The following USP48 variants were observed in gnomAD, a reference collection of about 807,000 sequenced individuals.
USP48 encodes ubiquitin carboxyl-terminal hydrolase 48.
In USP48, 43 loss-of-function variants were observed where a neutral mutation model predicts 150.7. The observed-to-expected ratio is 0.29, with a 90% CI of 0.22 to 0.37. USP48 has a LOEUF of 0.37. USP48 is among the 10% of genes least tolerant of loss of function. USP48 has a pLI of 1.00. For synonymous variants in USP48, 396 were observed against 425.9 expected, an observed-to-expected ratio of 0.93 and a Z score of 0.86; for missense variants, 813 against 1,249.6, an observed-to-expected ratio of 0.65 and a Z score of 5.27.
At chr1:21,704,202 C>T in intron 20 of USP48, 60 bp downstream of exon 20, 8 of 1,569,806 alleles carry the variant, frequency 5.1e-6, no homozygotes, top group Middle Eastern at 3.4e-4. Context: ...ACTGACACAC[C>T]CTTTCTTCTT....
At chr1:21,777,245 G>A (rs1347314326) in intron 1 of USP48, among the ~76,000 whole-genome samples, 1 of 152,080 alleles carries the variant, frequency 6.6e-6, no homozygotes, top group Non-Finnish European at 1.5e-5. Flanking sequence ...AGCCAAGATT[G>A]CACCACTGTA....
chr1:21,700,172 C>T (rs2097651220), intron 22 of USP48, among the ~76,000 whole-genome samples: 1 of 151,784 alleles, frequency 6.6e-6, no homozygotes, highest in African/African-American at 2.4e-5. Context: ...AAACTGAAAA[C>T]CTGCATTCTC....
intron 1 of USP48, among the ~76,000 whole-genome samples, chr1:21,776,829 G>A (rs1572064458): frequency 6.6e-6 from 1 of 151,840 alleles, no homozygotes; most frequent in African/African-American, 2.4e-5. Flanking sequence ...TGCCTGCAAT[G>A]CCAGCTACTC....
At chr1:21,727,253 T>C (rs1260039628) in intron 11 of USP48, among the ~76,000 whole-genome samples, 1 of 152,210 alleles carries the variant, frequency 6.6e-6, no homozygotes, top group Non-Finnish European at 1.5e-5. Context: ...AGATTCTACA[T>C]AATTTTACAG....
intron 23 of USP48, among the ~76,000 whole-genome samples, chr1:21,693,961 G>A (rs991724954): frequency 6.6e-6 from 1 of 152,176 alleles, no homozygotes; most frequent in Non-Finnish European, 1.5e-5. Context: ...CATAAAAGTA[G>A]CAAAGGAGGA....
intron 1 of USP48, among the ~76,000 whole-genome samples, chr1:21,764,571 G>A (rs1013189256): frequency 6.6e-6 from 1 of 151,540 alleles, no homozygotes; most frequent in African/African-American, 2.4e-5. Flanking sequence ...GCCAGGTATG[G>A]TGGCAGGTGC....
chr1:21,683,479 G>A (rs533482488), intron 25 of USP48, among the ~76,000 whole-genome samples: 91 of 151,978 alleles, frequency 6.0e-4, no homozygotes, highest in African/African-American at 2.0e-3. Context: ...CCAACTCCCC[G>A]GCTCAAGCAA....
At chr1:21,750,453 G>A (rs113269887) in intron 6 of USP48, among the ~76,000 whole-genome samples, 6,115 of 152,112 alleles carry the variant, frequency 0.04, 305 homozygotes, top group African/African-American at 0.12. Context: ...CCTTATTGTA[G>A]TTGACCCACT....
rs71016932 is a variant in USP48 at position 21,699,192 on chromosome 1, A to AT, written c.2727+2305dup. On this transcript the variant is annotated intron_variant, in intron 22 of 26. Coordinates refer to ENST00000308271, the MANE Select transcript of USP48 (RefSeq NM_032236.8). ...TTACAGGCCCACACCACCACACCTA[A>AT]TTTTTTTTTTTTTTTTTTTTTTTTG... 7.7e-3 allele frequency among the ~76,000 whole-genome samples: 490 copies of AT among 63,462 alleles called. 6 individuals carry two copies. Among genetic ancestry groups the AT allele is most frequent in the African/African-American group, 0.012 (211 of 17,366 alleles). 41.6% of individuals were successfully genotyped at this position (63,462 alleles called of 152,430 possible).
At chr1:21,734,562 A>G (rs1276753502) in intron 9 of USP48, among the ~76,000 whole-genome samples, 1 of 152,220 alleles carries the variant, frequency 6.6e-6, no homozygotes, top group Non-Finnish European at 1.5e-5. Context: ...GACACCTTGA[A>G]TAAATGTCTC....
rs144625409 is a variant in USP48, at chr1:21,752,765, C to T, written c.541-114G>A. On this transcript the variant is annotated intron_variant, in intron 4 of 26. Coordinates refer to ENST00000308271, the MANE Select transcript of USP48 (RefSeq NM_032236.8). The stretch of plus-strand genomic sequence containing the variant: ...ACCTATACTTTCAACTTAGCATTTT[C>T]AAACAGGGGCTACAGCTATGTTCAA... 95 of 1,280,202 alleles carry T rather than the reference C, an allele frequency of 7.4e-5. No homozygotes were observed. The African/African-American group carries it at 1.4e-3, about 18-fold the overall frequency. 79.3% of individuals were successfully genotyped at this position (1,280,202 alleles called of 1,614,324 possible).
At chr1:21,715,270 T>C (rs2097701184) in intron 15 of USP48, 119 bp downstream of exon 15, 2 of 647,230 alleles carry the variant, frequency 3.1e-6, no homozygotes, top group Admixed American at 3.4e-5. Flanking sequence ...GGGGAAATTC[T>C]ATTAAAAAAA....
chr1:21,678,933 G>C lies in USP48; in HGVS notation c.*484C>G. On this transcript the variant is annotated 3_prime_UTR_variant, in exon 27 of 27. Transcript: ENST00000308271. ...TCTTCACTTTCATGCTTTATTGAAA[G>C]TAGAATATGAATCAAAGACAGGCAT... 1 of 189,144 alleles carries C rather than the reference G, an allele frequency of 5.3e-6. No homozygotes were observed. Among genetic ancestry groups the C allele is most frequent in the Non-Finnish European group, 1.1e-5 (1 of 92,890 alleles). 11.7% of individuals were successfully genotyped at this position (189,144 alleles called of 1,614,324 possible).
chr1:21,705,174 G>A (rs140651293), intron 19 of USP48, among the ~76,000 whole-genome samples: 1 of 152,120 alleles, frequency 6.6e-6, no homozygotes, highest in South Asian at 2.1e-4. Flanking sequence ...TCCTTTTCCT[G>A]ATTTTCTGAC....
intron 3 of USP48, among the ~76,000 whole-genome samples, chr1:21,754,073 A>G (rs2097824876): frequency 6.6e-6 from 1 of 152,108 alleles, no homozygotes; most frequent in South Asian, 2.1e-4. Context: ...AGGCAGGAGA[A>G]TCACTTGAAC....
In USP48 at chr1:21,706,176, G is replaced by A. The variant is rs1463947564; in HGVS notation, c.2223C>T (p.Val741=). ...CLSNWPEDTD[V]LYIVSQFFVE... Reference sequence around the variant, plus strand: ...CAAAGAACTGAGACACGATGTAGAGGACATCCGTATCCTAGAACACAAAAA... The same window carrying A: ...CAAAGAACTGAGACACGATGTAGAGAACATCCGTATCCTAGAACACAAAAA... The change falls in exon 18 of 27, where the codon GTC becomes GTT. Residue 741 remains valine (V), a synonymous_variant. Coordinates refer to ENST00000308271, the MANE Select transcript of USP48 (RefSeq NM_032236.8). 1 of 1,613,738 alleles carries A rather than the reference G, an allele frequency of 6.2e-7. No individual in the cohort carries two copies. Among genetic ancestry groups the A allele is most frequent in the African/African-American group, 1.3e-5 (1 of 75,004 alleles).
intron 23 of USP48, among the ~76,000 whole-genome samples, chr1:21,691,966 T>G (rs1410331488): frequency 6.6e-6 from 1 of 152,148 alleles, no homozygotes; most frequent in Non-Finnish European, 1.5e-5. Flanking sequence ...ACTCTATTCT[T>G]TGGATGTGGA....
At chr1:21,700,197 T>G (rs1347349323) in intron 22 of USP48, among the ~76,000 whole-genome samples, 1 of 151,828 alleles carries the variant, frequency 6.6e-6, no homozygotes, top group East Asian at 1.9e-4. Context: ...AGTGTACAGA[T>G]TTGGTTAGCA....
chr1:21,741,994 C>T (rs1002881499), intron 8 of USP48, among the ~76,000 whole-genome samples: 1 of 151,590 alleles, frequency 6.6e-6, no homozygotes, highest in Non-Finnish European at 1.5e-5. Flanking sequence ...AGGAGAGTGT[C>T]GATTGCTTAA....
Sources: allele counts gnomAD v4.1 joint callset (sites outside exome capture counted in the v4.1 genomes callset), GRCh38; gene constraint gnomAD v4.1.1; transcripts MANE v1.5; gene names NCBI Gene and HGNC (gene_info 2026-07-23, HGNC 2026-07-21).